The following DHX8 variants were observed in gnomAD, a reference collection of about 807,000 sequenced individuals.
DHX8 encodes the protein DEAH-box helicase 8.
Under a neutral mutation model 140.7 loss-of-function variants are expected in DHX8, and 67 were observed. The ratio of observed to expected loss-of-function variants is 0.48; its 90% CI spans 0.39 to 0.58. The LOEUF (loss-of-function observed/expected upper bound fraction) is 0.58, where lower values mean the gene tolerates loss of function less well. Among genes scored for constraint, DHX8 ranks in the 20% least tolerant of loss-of-function variants. DHX8 has a pLI of 0.00. For synonymous variants in DHX8, 533 were observed against 553.2 expected (o/e 0.96, Z 0.51); for missense variants, 887 against 1,550.7 (o/e 0.57, Z 7.19).
chr17:43,509,484 A>AT (rs555156200), intron 16 of DHX8, among the ~76,000 whole-genome samples: 4,077 of 135,580 alleles, frequency 0.03, 105 homozygotes, highest in African/African-American at 0.073. Context: ...CCTCCCACTT[A>AT]TTTTTTTTTT....
chr17:43,520,393 T>A, intron 19 of DHX8, 126 bp downstream of exon 19: 1 of 1,217,076 alleles, frequency 8.2e-7, no homozygotes, highest in Non-Finnish European at 1.1e-6. Flanking sequence ...TAAATGTTTG[T>A]TTTTAACCTG....
chr17:43,522,838 T>A (rs957802955), intron 22 of DHX8, among the ~76,000 whole-genome samples: 1 of 146,724 alleles, frequency 6.8e-6, no homozygotes, highest in African/African-American at 2.5e-5. Context: ...CCGAGGCAGG[T>A]GGATCACCAG....
intron 16 of DHX8, among the ~76,000 whole-genome samples, chr17:43,513,020 C>T (rs561403216): frequency 2.0e-5 from 3 of 152,106 alleles, no homozygotes; most frequent in Non-Finnish European, 4.4e-5. Flanking sequence ...TCTCTGCTTT[C>T]CCAGGGTGCT....
downstream of DHX8, chr17:43,529,254 T>C (rs774276897): frequency 5.6e-6 from 9 of 1,613,122 alleles, no homozygotes; most frequent in East Asian, 1.8e-4. Context: ...CAAAACAGTT[T>C]TGGGGTAGAG....
downstream of DHX8, chr17:43,525,947 G>C (rs1970599495): frequency 8.1e-6 from 8 of 985,400 alleles, no homozygotes; most frequent in African/African-American, 3.5e-5. Context: ...GAGACAGCAG[G>C]GTTCGTTATC....
downstream of DHX8, chr17:43,528,686 AAG>A (rs1970713385): frequency 1.9e-6 from 3 of 1,614,166 alleles, no homozygotes; most frequent in Non-Finnish European, 2.5e-6. Flanking sequence ...GGGAAGGCCA[AAG>A]AGAAGAGGGC....
chr17:43,543,196 C>T (rs1971610946), intron 3 of DHX8, among the ~76,000 whole-genome samples: 1 of 151,398 alleles, frequency 6.6e-6, no homozygotes, highest in Non-Finnish European at 1.5e-5. Context: ...CCCCTCACCT[C>T]CGCCTTGCAA....
At chr17:43,536,214 G>T in intron 2 of DHX8, 1 of 594,660 alleles carries the variant, frequency 1.7e-6, no homozygotes, top group Non-Finnish European at 3.0e-6. Flanking sequence ...AGAACCAGAG[G>T]GATAGTGTCT....
chr17:43,525,159 G>A lies in DHX8; in HGVS notation c.*1312G>A, dbSNP rs1363465522. The stretch of plus-strand genomic sequence containing the variant: ...TGCCAGGCCAGGTTTCGGAACTTAC[G>A]GAAAGCTGGTCTGGATGTAGTGCTT... On this transcript the variant is annotated 3_prime_UTR_variant, in exon 23 of 23. Transcript: ENST00000262415. 2.2e-5 allele frequency: 22 copies of A among 985,292 alleles called. No individual in the cohort carries two copies. Among genetic ancestry groups the A allele is most frequent in the South Asian group, 1.4e-4 (3 of 21,282 alleles). The allele number at this position is 985,292 out of a possible 1,614,324, so 61.0% of individuals were successfully genotyped here.
At chr17:43,499,919 C>T (rs1232287900) in intron 10 of DHX8, 37 bp from the exon 11 acceptor site, 1 of 1,609,664 alleles carries the variant, frequency 6.2e-7, no homozygotes, top group Admixed American at 1.7e-5. Context: ...ATTTCCCGGA[C>T]ATTTAATCCA....
intron 2 of DHX8, among the ~76,000 whole-genome samples, chr17:43,535,306 C>G (rs1271148616): frequency 3.3e-5 from 5 of 152,036 alleles, no homozygotes; most frequent in Non-Finnish European, 7.4e-5. Flanking sequence ...GAGATGGAGC[C>G]TCGCTCTGTC....
At chr17:43,493,611 T>G in intron 7 of DHX8, 22 bp downstream of exon 7, 1 of 1,614,138 alleles carries the variant, frequency 6.2e-7, no homozygotes, top group South Asian at 1.1e-5. Flanking sequence ...GGTCAGCCTG[T>G]TCTTACATGT....
chr17:43,534,040 C>G, intron 2 of DHX8: 1 of 1,443,784 alleles, frequency 6.9e-7, no homozygotes, highest in Non-Finnish European at 9.0e-7. Context: ...AAGAGGCAGG[C>G]AGGGCTTCTG....
At chr17:43,517,088 C>G in intron 17 of DHX8, 79 bp from the exon 18 acceptor site, 1 of 1,424,542 alleles carries the variant, frequency 7.0e-7, no homozygotes, top group East Asian at 2.6e-5. Context: ...TTAATTGTCC[C>G]CCTTTTAACA....
chr17:43,493,508 A>G lies in DHX8; in HGVS notation c.927A>G (p.Val309=), dbSNP rs1411928017. Residue 309 remains valine (V), a synonymous_variant, in exon 7 of 23, where the codon GTA becomes GTG. Coordinates refer to ENST00000262415, the MANE Select transcript of DHX8 (RefSeq NM_004941.3). ...ELRREGRVAN[V]ADVVSKGQRV... ...GGCGGGAGGGTCGTGTGGCCAATGT[A>G]GCTGATGTCGTGAGCAAAGGCCAGA... 4 of 1,613,966 alleles carry G rather than the reference A, an allele frequency of 2.5e-6. No homozygotes were observed.
downstream of DHX8, chr17:43,528,850 C>G: frequency 4.6e-6 from 4 of 861,044 alleles, no homozygotes; most frequent in Non-Finnish European, 7.3e-6. Flanking sequence ...CAGGCAGATG[C>G]TCGGGGCATT....
At position 43,492,277 on chromosome 17, in the gene DHX8, G is replaced by C. The variant is rs1185324387; in HGVS notation, c.488G>C (p.Arg163Thr). Residue 163 changes from arginine (R) to threonine (T), a missense_variant, in exon 5 of 23, where the codon AGA becomes ACA. Physicochemically the swap from Arg to Thr is moderately conservative, Grantham distance 71. This residue lies in a region of DHX8 where 304 missense variants were observed against 306.9 expected (regional missense o/e 0.99). Coordinates refer to ENST00000262415, the MANE Select transcript of DHX8 (RefSeq NM_004941.3). ...MPSAAGQEKQ[R>T]DAEHRDRTKK... ...AGCGCAGCAGGCCAGGAGAAGCAAA[G>C]AGATGCTGAACACCGGTTTGTCCTT... The C allele has an allele frequency of 6.2e-7, 1 of 1,613,814 alleles. No individual in the cohort carries two copies. The highest frequency in any genetic ancestry group is 2.2e-5 in the East Asian group (1 of 44,878).
chr17:43,529,112 G>T (rs762608023), downstream of DHX8: 1 of 1,610,152 alleles, frequency 6.2e-7, no homozygotes, highest in South Asian at 1.1e-5. Context: ...CCACCACCTT[G>T]TCCCTAGACC....
chr17:43,529,603 C>A (rs201551646), downstream of DHX8: 232 of 1,614,146 alleles, frequency 1.4e-4, no homozygotes, highest in Non-Finnish European at 1.6e-4. Flanking sequence ...GAAATTGCCA[C>A]AGCTGCAGGG....
Sources: gnomAD v4.1 joint callset for allele counts (sites outside exome capture counted in the v4.1 genomes callset) on GRCh38, gnomAD v4.1.1 for gene constraint, gnomAD v4.1.1 regional missense constraint, MANE v1.5 for transcripts, NCBI Gene and HGNC (gene_info 2026-07-23, HGNC 2026-07-21) for gene names.